Variants in CADPS2 observed in about 807,000 individuals in gnomAD.
The protein encoded by CADPS2 is calcium-dependent secretion activator 2.
A neutral mutation model predicts 172.5 loss-of-function variants in CADPS2; 93 were observed. The ratio of observed to expected loss-of-function variants is 0.54; its 90% confidence interval spans 0.46 to 0.64. The LOEUF (loss-of-function observed/expected upper bound fraction) is 0.64, where lower values mean the gene tolerates loss of function less well. Ranked by LOEUF, CADPS2 falls within the 30% of genes least tolerant of loss-of-function variation. CADPS2 has a pLI of 0.00. For synonymous variants in CADPS2, 546 were observed against 555.2 expected, an observed-to-expected ratio of 0.98 and a Z score of 0.23; for missense variants, 1,420 against 1,565.9, an observed-to-expected ratio of 0.91 and a Z score of 1.57.
chr7:122,465,147 T>C (rs749246928), intron 14 of CADPS2, among the ~76,000 whole-genome samples: 5 of 152,046 alleles, frequency 3.3e-5, no homozygotes, highest in Non-Finnish European at 7.4e-5. Context: ...TGAACAATAT[T>C]AGACTGAGGA....
At chr7:122,850,491 G>T in intron 1 of CADPS2, 1 of 224,746 alleles carries the variant, frequency 4.4e-6, no homozygotes, top group Non-Finnish European at 8.8e-6. Flanking sequence ...CTTGTGGCAG[G>T]GGGGCGGGGA....
At chr7:122,519,281 A>G (rs1206690235) in intron 8 of CADPS2, among the ~76,000 whole-genome samples, 2 of 152,084 alleles carry the variant, frequency 1.3e-5, no homozygotes, top group African/African-American at 4.8e-5. Context: ...AGTGTTCTGG[A>G]TTATTTTAAA....
chr7:122,617,784 C>T (rs190983862), intron 5 of CADPS2, among the ~76,000 whole-genome samples: 36 of 152,296 alleles, frequency 2.4e-4, no homozygotes, highest in Non-Finnish European at 4.9e-4. Flanking sequence ...TGGCTCACGC[C>T]TGTAATCTCA....
intron 1 of CADPS2, among the ~76,000 whole-genome samples, chr7:122,814,746 T>C (rs1055377697): frequency 2.6e-5 from 4 of 152,108 alleles, no homozygotes; most frequent in Non-Finnish European, 4.4e-5. Flanking sequence ...ATCTAACACA[T>C]ACATTAAATT....
At chr7:122,800,017 G>T (rs569887178) in intron 1 of CADPS2, among the ~76,000 whole-genome samples, 1 of 152,010 alleles carries the variant, frequency 6.6e-6, no homozygotes, top group Non-Finnish European at 1.5e-5. Flanking sequence ...GGTTATCCTG[G>T]GTAGAAAACC....
chr7:122,527,420 A>C (rs1374491897), intron 8 of CADPS2, among the ~76,000 whole-genome samples: 1 of 150,718 alleles, frequency 6.6e-6, no homozygotes, highest in African/African-American at 2.4e-5. Context: ...ATATGCTAAA[A>C]AAAAAAAAAA....
intron 6 of CADPS2, among the ~76,000 whole-genome samples, chr7:122,584,544 T>C (rs1333303234): frequency 1.3e-5 from 2 of 151,972 alleles, no homozygotes; most frequent in Non-Finnish European, 2.9e-5. Context: ...CAATCCTCTC[T>C]ACTTCATGTT....
chr7:122,877,919 GGTGA>G (rs1321778280), intron 1 of CADPS2, among the ~76,000 whole-genome samples: 3 of 152,104 alleles, frequency 2.0e-5, no homozygotes, highest in African/African-American at 7.2e-5. Flanking sequence ...TTGTTCACAC[GGTGA>G]GTGAGTGAGA....
chr7:122,604,459 C>T (rs60253193), intron 6 of CADPS2, among the ~76,000 whole-genome samples: 5,622 of 152,196 alleles, frequency 0.037, 154 homozygotes, highest in Middle Eastern at 0.078. Flanking sequence ...CAGCCCCAGG[C>T]ATATCTCCTG....
intron 1 of CADPS2, among the ~76,000 whole-genome samples, chr7:122,771,993 G>A (rs1029410396): frequency 1.3e-5 from 2 of 152,142 alleles, no homozygotes; most frequent in Admixed American, 1.3e-4. Flanking sequence ...ACCAGGTGAG[G>A]AACAGTGAGG....
chr7:122,799,816 G>A (rs1347084471), intron 1 of CADPS2, among the ~76,000 whole-genome samples: 1 of 152,072 alleles, frequency 6.6e-6, no homozygotes, highest in Non-Finnish European at 1.5e-5. Context: ...CTATCATAGA[G>A]AGTTTGTTCA....
chr7:122,348,144 G>A (rs2037972910), intron 27 of CADPS2, among the ~76,000 whole-genome samples: 1 of 152,064 alleles, frequency 6.6e-6, no homozygotes, highest in Admixed American at 6.5e-5. Flanking sequence ...ATCTTTTAAA[G>A]GCCACTGCTT....
chr7:122,658,089 A>T (rs1181558842), intron 3 of CADPS2, among the ~76,000 whole-genome samples: 2 of 152,252 alleles, frequency 1.3e-5, no homozygotes, highest in Non-Finnish European at 2.9e-5. Flanking sequence ...GGATATGAAC[A>T]GACACTTCTC....
intron 8 of CADPS2, among the ~76,000 whole-genome samples, chr7:122,533,786 C>A (rs2061987411): frequency 6.6e-6 from 1 of 152,058 alleles, no homozygotes; most frequent in Non-Finnish European, 1.5e-5. Context: ...AAGTGTTTCA[C>A]AATGTTGTCT....
chr7:122,507,265 T>G (rs2059677924), intron 9 of CADPS2, among the ~76,000 whole-genome samples: 1 of 152,070 alleles, frequency 6.6e-6, no homozygotes, highest in Non-Finnish European at 1.5e-5. Context: ...GAATGAGCCA[T>G]GCATGGGGAA....
chr7:122,490,316 T>A (rs774128041), intron 10 of CADPS2, 35 bp from the exon 11 acceptor site: 1 of 1,593,538 alleles, frequency 6.3e-7, no homozygotes, highest in South Asian at 1.1e-5. Context: ...ATTAAAAATT[T>A]ATAGGATTGG....
chr7:122,825,885 C>G (rs1393980945), intron 1 of CADPS2, among the ~76,000 whole-genome samples: 1 of 152,100 alleles, frequency 6.6e-6, no homozygotes, highest in Non-Finnish European at 1.5e-5. Flanking sequence ...CAGCCAAGGT[C>G]AAGTGGGAGC....
intron 7 of CADPS2, among the ~76,000 whole-genome samples, chr7:122,567,138 T>C (rs544031903): frequency 6.6e-6 from 1 of 152,122 alleles, no homozygotes. Flanking sequence ...TAACAGTTAG[T>C]TTTGTTTCTT....
chr7:122,780,303 C>G (rs1283694676), intron 1 of CADPS2, among the ~76,000 whole-genome samples: 1 of 152,116 alleles, frequency 6.6e-6, no homozygotes, highest in Admixed American at 6.6e-5. Context: ...CAACATCCCC[C>G]TCTCTGCAAC....
Sources: allele counts gnomAD v4.1 joint callset (sites outside exome capture counted in the v4.1 genomes callset), GRCh38; gene constraint gnomAD v4.1.1; transcripts MANE v1.5; gene names NCBI Gene and HGNC (gene_info 2026-07-23, HGNC 2026-07-21).